The following PAK4 variants were observed in gnomAD, a reference collection of about 807,000 sequenced individuals.
PAK4 encodes the protein p21 (RAC1) activated kinase 4.
A neutral mutation model predicts 53.5 loss-of-function variants in PAK4; 49 were observed. The ratio of observed to expected loss-of-function variants is 0.92; its 90% confidence interval spans 0.73 to 1.16. PAK4 has a LOEUF of 1.16. Among genes scored for constraint, PAK4 ranks in the 50% most tolerant of loss-of-function variants. The pLI is 0.00. For missense variants in PAK4, 824 were observed against 850.7 expected (o/e 0.97, Z 0.39); for synonymous variants, 376 against 375.6 (o/e 1.00, Z -0.01).
chr19:39,152,636 T>A (rs1035308748), intron 1 of PAK4, among the ~76,000 whole-genome samples: 2 of 152,084 alleles, frequency 1.3e-5, no homozygotes, highest in African/African-American at 4.8e-5. Flanking sequence ...CTGTCACACC[T>A]CAAACTGCGA....
chr19:39,143,260 A>C (rs1043302586), intron 1 of PAK4, among the ~76,000 whole-genome samples: 2 of 149,604 alleles, frequency 1.3e-5, no homozygotes, highest in African/African-American at 4.9e-5. Flanking sequence ...GTGCATATTA[A>C]GGAGTCGTTG....
Position 39,178,522 on chromosome 19 carries a change from C to T in PAK4, c.1719C>T (p.Ala573=). The change falls in exon 9 of 9, where the codon GCC becomes GCT. Residue 573 remains alanine, a synonymous_variant. Transcript: ENST00000358301. The surrounding 1 kb of genome is among the most constrained non-coding windows in gnomAD (Gnocchi z 4.4). ...AGCTGCTGAAGCACCCATTCCTGGC[C>T]AAGGCAGGGCCGCCTGCCAGCATCG... is the stretch of plus-strand genomic sequence containing the variant. The T allele has an allele frequency of 6.2e-7, 1 of 1,611,624 alleles. No homozygotes were observed. Among genetic ancestry groups the T allele is most frequent in the East Asian group, 2.2e-5 (1 of 44,818 alleles).
chr19:39,145,415 C>T (rs973168219), intron 1 of PAK4, among the ~76,000 whole-genome samples: 4 of 152,162 alleles, frequency 2.6e-5, no homozygotes, highest in Non-Finnish European at 4.4e-5. Context: ...AAGCTCTGTG[C>T]CAGAAGGAAT....
intron 1 of PAK4, among the ~76,000 whole-genome samples, chr19:39,160,068 G>T (rs1323485837): frequency 3.3e-5 from 5 of 152,238 alleles, no homozygotes; most frequent in Non-Finnish European, 7.3e-5. Flanking sequence ...GAGGGCCTGG[G>T]CGTTCACAGT....
chr19:39,169,395 G>A (rs2074433215), intron 1 of PAK4, 137 bp from the exon 3 acceptor site: 1 of 663,352 alleles, frequency 1.5e-6, no homozygotes, highest in Admixed American at 2.5e-5. Flanking sequence ...CGCAGGGGGT[G>A]GGCAGGGAGA....
intron 1 of PAK4, among the ~76,000 whole-genome samples, chr19:39,129,440 C>G (rs2073658524): frequency 6.6e-6 from 1 of 151,868 alleles, no homozygotes; most frequent in African/African-American, 2.4e-5. Flanking sequence ...TGGCATATGC[C>G]TAGTAGTGGA....
At chr19:39,182,790 G>T (rs1268143056), downstream of PAK4, 2 of 151,620 alleles carry the variant, frequency 1.3e-5, no homozygotes, top group Non-Finnish European at 2.9e-5. Flanking sequence ...CTGCACTCCA[G>T]CCTGGGTGAC....
chr19:39,149,294 G>C (rs1360954525), intron 1 of PAK4, among the ~76,000 whole-genome samples: 5 of 152,224 alleles, frequency 3.3e-5, no homozygotes, highest in Non-Finnish European at 1.5e-5. Context: ...ATACATGATG[G>C]AATATTATTC....
At chr19:39,157,294 C>T (rs752329608) in intron 1 of PAK4, among the ~76,000 whole-genome samples, 1 of 152,044 alleles carries the variant, frequency 6.6e-6, no homozygotes, top group Non-Finnish European at 1.5e-5. Flanking sequence ...GGGTGCAGTG[C>T]GGCTTTCCCT....
At chr19:39,128,480 G>C (rs922142121) in intron 1 of PAK4, among the ~76,000 whole-genome samples, 1 of 152,210 alleles carries the variant, frequency 6.6e-6, no homozygotes, top group African/African-American at 2.4e-5. Context: ...GCATCTCAGG[G>C]TTTGGCACAG....
intron 2 of PAK4, among the ~76,000 whole-genome samples, chr19:39,171,338 A>G (rs2074475483): frequency 6.6e-6 from 1 of 151,290 alleles, no homozygotes; most frequent in East Asian, 2.0e-4. Context: ...CCTCCCGCGT[A>G]GCTGGGATTA....
intron 1 of PAK4, among the ~76,000 whole-genome samples, chr19:39,137,955 T>G (rs561474140): frequency 1.3e-5 from 2 of 151,446 alleles, no homozygotes; most frequent in Non-Finnish European, 2.9e-5. Context: ...CGGGAGCCAC[T>G]GTGCCTAGTG....
chr19:39,153,523 C>A (rs992285702), intron 1 of PAK4, among the ~76,000 whole-genome samples: 2 of 152,200 alleles, frequency 1.3e-5, no homozygotes, highest in Non-Finnish European at 2.9e-5. Context: ...CTCACTGCAA[C>A]CTTCGCCTCC....
At chr19:39,138,195 C>A (rs192767725) in intron 1 of PAK4, among the ~76,000 whole-genome samples, 1 of 152,050 alleles carries the variant, frequency 6.6e-6, no homozygotes, top group African/African-American at 2.4e-5. Flanking sequence ...ACTATGTTGG[C>A]CATCCTGTTC....
At chr19:39,174,776 A>G (rs2074567568) in intron 4 of PAK4, among the ~76,000 whole-genome samples, 155 bp from the exon 6 acceptor site, 1 of 152,118 alleles carries the variant, frequency 6.6e-6, no homozygotes, top group South Asian at 2.1e-4. Flanking sequence ...TCTGAGGCCC[A>G]CGTGGCTGTG....
chr19:39,133,549 C>G (rs922090354), intron 1 of PAK4, among the ~76,000 whole-genome samples: 17 of 152,090 alleles, frequency 1.1e-4, no homozygotes, highest in African/African-American at 4.1e-4. Context: ...TCGCTGTGGC[C>G]GCTTCCCCTG....
chr19:39,134,664 A>G (rs998081509), intron 1 of PAK4, among the ~76,000 whole-genome samples: 7 of 151,718 alleles, frequency 4.6e-5, no homozygotes, highest in Admixed American at 2.6e-4. Context: ...CAGTGGTGCA[A>G]TCTTGGCTCA....
intron 1 of PAK4, among the ~76,000 whole-genome samples, chr19:39,141,130 GCC>G (rs2073902290): frequency 6.6e-6 from 1 of 152,136 alleles, no homozygotes; most frequent in African/African-American, 2.4e-5. Flanking sequence ...ATAGTCTCGC[GCC>G]CTCCTGGGGT....
intron 2 of PAK4, among the ~76,000 whole-genome samples, chr19:39,171,752 C>G (rs139250368): frequency 6.6e-6 from 1 of 152,098 alleles, no homozygotes; most frequent in South Asian, 2.1e-4. Flanking sequence ...GGCAGGCCTC[C>G]GGCTGGAGGA....
Sources: allele counts gnomAD v4.1 joint callset (sites outside exome capture counted in the v4.1 genomes callset), GRCh38; gene constraint gnomAD v4.1.1; non-coding constraint Gnocchi (gnomAD v3.1); transcripts MANE v1.5; gene names NCBI Gene and HGNC (gene_info 2026-07-23, HGNC 2026-07-21).